The following AFF3 variants were observed in gnomAD, a reference collection of about 807,000 sequenced individuals.
The protein encoded by AFF3 is AF4/FMR2 family member 3.
Under a neutral mutation model 129.7 loss-of-function variants are expected in AFF3, and 32 were observed. The observed-to-expected ratio is 0.25, with a 90% CI of 0.19 to 0.33. The LOEUF (loss-of-function observed/expected upper bound fraction) is 0.33. Ranked by LOEUF, AFF3 falls within the 10% of genes least tolerant of loss-of-function variation. AFF3 has a pLI of 1.00. For missense variants in AFF3, 1,373 were observed against 1,592.0 expected (o/e 0.86, Z 2.34); for synonymous variants, 644 against 635.4 (o/e 1.01, Z -0.20).
rs375329107 is a variant in AFF3 at position 100,139,707 on chromosome 2, T to C, written c.-228+2777A>G. 3.2e-4 allele frequency among the ~76,000 whole-genome samples: 49 copies of C among 152,336 alleles called. 2 individuals carry two copies. The South Asian group carries it at 7.2e-3, about 23-fold the overall frequency. On this transcript the variant is annotated intron_variant, in intron 1 of 24. Transcript: ENST00000672756. ...TTTTCTGGATGAAGAATAATGTTTT[T>C]AGTTTTTGTCAAAGCTATGTTTTAA...
At chr2:99,974,106 G>C (rs1377570115) in intron 7 of AFF3, among the ~76,000 whole-genome samples, 1 of 152,210 alleles carries the variant, frequency 6.6e-6, no homozygotes, top group Non-Finnish European at 1.5e-5. Flanking sequence ...GGAGGTAAAT[G>C]AAAGTCAAAT....
chr2:99,851,491 T>C (rs1690138659), intron 7 of AFF3, among the ~76,000 whole-genome samples: 1 of 152,256 alleles, frequency 6.6e-6, no homozygotes, highest in Admixed American at 6.5e-5. Flanking sequence ...TCTATAGCAC[T>C]TTGTCTCATA....
intron 11 of AFF3, among the ~76,000 whole-genome samples, chr2:99,680,949 T>A (rs369270961): frequency 1.4e-4 from 21 of 152,258 alleles, no homozygotes; most frequent in African/African-American, 4.6e-4. Context: ...GTTTCCAAAC[T>A]TTATTGCACA....
At chr2:99,654,684 C>T (rs1027712872) in intron 12 of AFF3, among the ~76,000 whole-genome samples, 1 of 152,216 alleles carries the variant, frequency 6.6e-6, no homozygotes, top group East Asian at 1.9e-4. Context: ...TAAGAGAACA[C>T]GTCATTGATC....
At chr2:99,724,390 A>G (rs915795353) in intron 11 of AFF3, among the ~76,000 whole-genome samples, 2 of 148,962 alleles carry the variant, frequency 1.3e-5, no homozygotes, top group African/African-American at 4.9e-5. Context: ...CTCCTGCCTC[A>G]GCCTCCCCAG....
chr2:99,803,820 A>G (rs753017217), intron 8 of AFF3, among the ~76,000 whole-genome samples: 17 of 152,218 alleles, frequency 1.1e-4, no homozygotes, highest in Non-Finnish European at 2.1e-4. Context: ...ACACAAAAAC[A>G]TAAATTGGAA....
intron 13 of AFF3, among the ~76,000 whole-genome samples, chr2:99,630,217 G>A (rs1682998839): frequency 6.6e-6 from 1 of 152,166 alleles, no homozygotes; most frequent in Admixed American, 6.5e-5. Flanking sequence ...AGATAACACT[G>A]GAAGCATGAT....
At chr2:100,094,562 C>T (rs1362813230) in intron 4 of AFF3, among the ~76,000 whole-genome samples, 1 of 151,830 alleles carries the variant, frequency 6.6e-6, no homozygotes. Flanking sequence ...CCACTCACCT[C>T]CCACTCTGCA....
intron 11 of AFF3, among the ~76,000 whole-genome samples, chr2:99,696,583 G>C (rs1374469352): frequency 6.6e-6 from 1 of 152,130 alleles, no homozygotes; most frequent in African/African-American, 2.4e-5. Flanking sequence ...TGGAAGCCCA[G>C]AGCATGGACT....
chr2:99,973,097 T>C (rs370140106), intron 7 of AFF3, among the ~76,000 whole-genome samples: 23 of 152,316 alleles, frequency 1.5e-4, no homozygotes, highest in African/African-American at 5.3e-4. Flanking sequence ...GTAATTGTTT[T>C]CCCTGGTTTA....
chr2:99,771,072 G>A (rs528710903), intron 8 of AFF3, among the ~76,000 whole-genome samples: 3 of 152,246 alleles, frequency 2.0e-5, no homozygotes, highest in East Asian at 1.9e-4. Context: ...AGAATACTAC[G>A]CAACCATAAA....
chr2:100,007,339 C>A lies in AFF3; in HGVS notation c.296G>T (p.Gly99Val), dbSNP rs1436498219. 6.2e-7 allele frequency: 1 copy of A among 1,613,940 alleles called. No individual in the cohort carries two copies. The highest frequency in any genetic ancestry group is 8.5e-7 in the Non-Finnish European group (1 of 1,179,980). ...CTTGTTCACAGGAGTCTGAGGAACC[C>A]CAGGTTTGGGAACTCCAACGAGATG... is the stretch of plus-strand genomic sequence containing the variant. ...QSHLVGVPKP[G>V]VPQTPVNKID... The change falls in exon 6 of 25, where the codon GGG becomes GTG. Residue 99 changes from glycine to valine, a missense_variant. By Grantham distance (109) the Gly-to-Val change is moderately radical. Around this residue, in one of 9 missense-constraint regions of AFF3, gnomAD observed 255 missense variants for 256.0 expected, o/e 1.00. Transcript: ENST00000672756.
At chr2:99,763,138 T>C (rs927931984) in intron 8 of AFF3, among the ~76,000 whole-genome samples, 19 of 152,360 alleles carry the variant, frequency 1.2e-4, no homozygotes, top group African/African-American at 4.6e-4. Context: ...CCTCCCCTAA[T>C]GGGACTGCAG....
At chr2:99,679,131 C>T (rs1674288178) in intron 11 of AFF3, among the ~76,000 whole-genome samples, 1 of 152,136 alleles carries the variant, frequency 6.6e-6, no homozygotes, top group South Asian at 2.1e-4. Context: ...CTCTACTTGA[C>T]CTAAGTGTTT....
intron 4 of AFF3, among the ~76,000 whole-genome samples, chr2:100,056,720 G>A (rs1017826501): frequency 1.3e-5 from 2 of 152,086 alleles, no homozygotes; most frequent in Admixed American, 6.6e-5. Flanking sequence ...CATGTCATTT[G>A]TTTACTCTAT....
intron 2 of AFF3, among the ~76,000 whole-genome samples, chr2:100,126,325 C>T (rs1692189739): frequency 6.6e-6 from 1 of 152,176 alleles, no homozygotes; most frequent in Non-Finnish European, 1.5e-5. Flanking sequence ...TTACTGGGCT[C>T]TCAGGAGCAT....
intron 7 of AFF3, among the ~76,000 whole-genome samples, chr2:99,940,635 T>G (rs1674947167): frequency 6.6e-6 from 1 of 152,170 alleles, no homozygotes; most frequent in Non-Finnish European, 1.5e-5. Context: ...GCATGAATAA[T>G]CCACCCTTGT....
chr2:99,973,088 T>C (rs1446570470), intron 7 of AFF3, among the ~76,000 whole-genome samples: 1 of 152,200 alleles, frequency 6.6e-6, no homozygotes, highest in Non-Finnish European at 1.5e-5. Context: ...ATGATACCTG[T>C]AATTGTTTTC....
intron 8 of AFF3, among the ~76,000 whole-genome samples, chr2:99,815,058 T>G (rs976868734): frequency 6.6e-6 from 1 of 151,994 alleles, no homozygotes; most frequent in African/African-American, 2.4e-5. Context: ...TAAGAGTGAC[T>G]GGAGAACTTT....
Sources: gnomAD v4.1 joint callset for allele counts (sites outside exome capture counted in the v4.1 genomes callset) on GRCh38, gnomAD v4.1.1 for gene constraint, gnomAD v4.1.1 regional missense constraint, MANE v1.5 for transcripts, NCBI Gene and HGNC (gene_info 2026-07-23, HGNC 2026-07-21) for gene names.